MITD1: variants seen among roughly 807,000 people sequenced by gnomAD.
MITD1 encodes the protein MIT domain-containing protein 1.
Under a neutral mutation model 34.9 loss-of-function variants are expected in MITD1, and 24 were observed. The observed-to-expected ratio is 0.69, with a 90% CI of 0.50 to 0.97. MITD1 has a LOEUF of 0.97. Ranked by LOEUF, MITD1 falls within the 50% of genes least tolerant of loss-of-function variation. The probability of loss-of-function intolerance (pLI) is 0.00; values close to 1 mark genes in which losing one functional copy is unlikely to be tolerated. For missense variants in MITD1, 266 were observed against 294.6 expected, an observed-to-expected ratio of 0.90 and a Z score of 0.71; for synonymous variants, 102 against 101.4, an observed-to-expected ratio of 1.01 and a Z score of -0.04.
chr2:99,162,158 G>A (rs1559170772), exon 8 of MITD1: 2 of 1,613,890 alleles, frequency 1.2e-6, no homozygotes, highest in South Asian at 2.2e-5. Context: ...TCTTTTGGCA[G>A]AATTCTCCCT....
downstream of MITD1, chr2:99,161,711 A>G (rs918143460): frequency 7.3e-6 from 3 of 411,576 alleles, no homozygotes; most frequent in African/African-American, 6.1e-5. Context: ...ATGTATTTGC[A>G]GCAGACTTAT....
intron 1 of MITD1, among the ~76,000 whole-genome samples, chr2:99,175,333 A>C (rs937989325): frequency 6.6e-6 from 1 of 152,178 alleles, no homozygotes; most frequent in Non-Finnish European, 1.5e-5. Flanking sequence ...TTAGTTCCTT[A>C]ATCTTTCTCT....
Position 99,171,659 on chromosome 2 carries a change from G to T in MITD1, c.254-13C>A. On this transcript the variant is annotated splice_polypyrimidine_tract_variant and intron_variant, in intron 2 of 6. Transcript: ENST00000289359. Reference sequence around the variant, plus strand: ...TGATATTTTCCATCTATAAAACACAGGCTTCAACAGTAAAACCAGTGACCA... The same window carrying T: ...TGATATTTTCCATCTATAAAACACATGCTTCAACAGTAAAACCAGTGACCA... 1 of 1,600,342 alleles carries T rather than the reference G, an allele frequency of 6.2e-7. No homozygotes were observed. The highest frequency in any genetic ancestry group is 8.5e-7 in the Non-Finnish European group (1 of 1,175,840).
At chr2:99,174,080 AT>A in intron 1 of MITD1, 64 bp from the exon 2 acceptor site, 1 of 904,962 alleles carries the variant, frequency 1.1e-6, no homozygotes, top group Non-Finnish European at 1.7e-6. Context: ...TTTGGGCATT[AT>A]TTTCAGTTTC....
chr2:99,175,178 G>C (rs2093880561), intron 1 of MITD1, among the ~76,000 whole-genome samples: 1 of 150,600 alleles, frequency 6.6e-6, no homozygotes, highest in Non-Finnish European at 1.5e-5. Flanking sequence ...ATCAGAGCTA[G>C]GAAATTAACA....
chr2:99,162,713 T>A (rs2105202017), intron 7 of MITD1: 1 of 1,614,146 alleles, frequency 6.2e-7, no homozygotes, highest in Non-Finnish European at 8.5e-7. Context: ...ACCCAACGGA[T>A]GAGACACTGT....
intron 1 of MITD1, 133 bp from the exon 2 acceptor site, chr2:99,174,149 A>G: frequency 1.8e-6 from 1 of 563,848 alleles, no homozygotes; most frequent in South Asian, 2.3e-5. Flanking sequence ...CCTCAAACAC[A>G]CACAATAAAC....
chr2:99,161,890 G>C (rs2093795890), downstream of MITD1: 6 of 1,362,680 alleles, frequency 4.4e-6, no homozygotes, highest in Non-Finnish European at 6.0e-6. Context: ...ATAATTGATA[G>C]TTAGAAAATA....
At chr2:99,173,610 A>G (rs930377423) in intron 2 of MITD1, 4 of 467,356 alleles carry the variant, frequency 8.6e-6, no homozygotes, top group Non-Finnish European at 1.6e-5. Flanking sequence ...CATAAGCTTC[A>G]TAGGGATTTG....
downstream of MITD1, among the ~76,000 whole-genome samples, chr2:99,165,019 T>TACACACACACACACACACAC (rs56958044): frequency 1.4e-4 from 19 of 136,764 alleles, no homozygotes; most frequent in African/African-American, 4.8e-4. Flanking sequence ...CAAAATGGCA[T>TACACACACACACACACACAC]ACACACACAC....
downstream of MITD1, among the ~76,000 whole-genome samples, chr2:99,165,947 G>A (rs1451845629): frequency 1.3e-5 from 2 of 152,170 alleles, no homozygotes; most frequent in African/African-American, 4.8e-5. Flanking sequence ...AGTGATATCA[G>A]TGGTGTAGGC....
At chr2:99,168,812 C>T (rs1275449236), downstream of MITD1, among the ~76,000 whole-genome samples, 2 of 151,906 alleles carry the variant, frequency 1.3e-5, no homozygotes, top group Non-Finnish European at 2.9e-5. Context: ...CAGGGTCTGG[C>T]TCTGTCACCC....
chr2:99,173,877 G>A, intron 2 of MITD1, 38 bp downstream of exon 2: 1 of 1,281,258 alleles, frequency 7.8e-7, no homozygotes, highest in Non-Finnish European at 1.1e-6. Flanking sequence ...GACAGTCACA[G>A]TTGTTTATGG....
chr2:99,179,763 A>G (rs1465843083), intron 1 of MITD1, among the ~76,000 whole-genome samples: 2 of 152,160 alleles, frequency 1.3e-5, no homozygotes, highest in South Asian at 2.1e-4. Context: ...GGGTTTCACC[A>G]TGTTGGCCAG....
downstream of MITD1, among the ~76,000 whole-genome samples, chr2:99,164,969 G>A (rs983214560): frequency 2.7e-5 from 4 of 150,222 alleles, no homozygotes; most frequent in African/African-American, 7.4e-5. Flanking sequence ...GGTTTCCCCA[G>A]AACTTTCTGA....
intron 1 of MITD1, among the ~76,000 whole-genome samples, chr2:99,179,409 T>C (rs888546357): frequency 6.6e-6 from 1 of 152,142 alleles, no homozygotes; most frequent in South Asian, 2.1e-4. Context: ...AACTCCTACT[T>C]GATAGGGCAA....
chr2:99,162,223 TG>T (rs1487176696), intron 7 of MITD1: 1 of 1,613,972 alleles, frequency 6.2e-7, no homozygotes, highest in African/African-American at 1.3e-5. Flanking sequence ...CTGAATCTAA[TG>T]AGAGAAGAAG....
intron 2 of MITD1, chr2:99,171,896 G>C: frequency 2.4e-6 from 1 of 415,596 alleles, no homozygotes; most frequent in Non-Finnish European, 4.3e-6. Flanking sequence ...AAAATCTAGA[G>C]GTTTCCTGGA....
chr2:99,162,452 A>G lies in MITD1; in HGVS notation c.*4-234T>C, dbSNP rs967030968. ...ATGGACAGTTTAAAATCTCAGGAAC[A>G]GCTTCTAAGATCGGCCGGACTACTG... is the stretch of plus-strand genomic sequence containing the variant. On this transcript the variant is annotated intron_variant, in intron 7 of 7. Transcript: ENST00000422537. The G allele has an allele frequency of 5.0e-6, 8 of 1,614,068 alleles. No homozygotes were observed. In the Admixed American group the frequency reaches 1.2e-4, roughly 24 times the overall value.
Sources: allele counts gnomAD v4.1 joint callset (sites outside exome capture counted in the v4.1 genomes callset), GRCh38; gene constraint gnomAD v4.1.1; transcripts MANE v1.5; gene names NCBI Gene and HGNC (gene_info 2026-07-23, HGNC 2026-07-21).